Variants in SH3BGRL2 observed in about 807,000 individuals in gnomAD.
SH3BGRL2 encodes SH3 domain-binding glutamic acid-rich-like protein 2.
A neutral mutation model predicts 14.8 loss-of-function variants in SH3BGRL2; 21 were observed. That is an observed-to-expected ratio of 1.42 (90% CI 1.01 to 2.05). SH3BGRL2 has a LOEUF of 2.05. Among genes scored for constraint, SH3BGRL2 ranks in the 30% most tolerant of loss-of-function variants. The pLI is 0.00. For synonymous variants in SH3BGRL2, 50 were observed against 47.8 expected (o/e 1.05, Z -0.19); for missense variants, 147 against 130.8 (o/e 1.12, Z -0.61).
chr6:79,619,395 C>T, the SH3BGRL2 span, among the ~76,000 whole-genome samples: 2 of 152,158 alleles, frequency 1.3e-5, no homozygotes, highest in African/African-American at 2.4e-5. Flanking sequence ...ACATACCTTC[C>T]TCATTCTTTA....
chr6:79,689,214 A>C (rs577091992), intron 2 of SH3BGRL2, among the ~76,000 whole-genome samples: 2 of 152,192 alleles, frequency 1.3e-5, no homozygotes, highest in African/African-American at 2.4e-5. Context: ...ATTTGGAAGG[A>C]GTTAATTACC....
chr6:79,595,255 A>G, the SH3BGRL2 span, among the ~76,000 whole-genome samples: 1 of 151,958 alleles, frequency 6.6e-6, no homozygotes, highest in South Asian at 2.1e-4. Flanking sequence ...GCGCCATTGC[A>G]CTCCAGTGTG....
At chr6:79,543,246 C>T in the SH3BGRL2 span, among the ~76,000 whole-genome samples, 1 of 152,132 alleles carries the variant, frequency 6.6e-6, no homozygotes, top group Non-Finnish European at 1.5e-5. Flanking sequence ...TTAAAGTTAT[C>T]GATGAGATAT....
chr6:79,663,070 G>T (rs1260853690), intron 1 of SH3BGRL2, among the ~76,000 whole-genome samples: 1 of 152,094 alleles, frequency 6.6e-6, no homozygotes, highest in Non-Finnish European at 1.5e-5. Flanking sequence ...AAGGTTTTTA[G>T]CTTCCTTGCG....
upstream of SH3BGRL2, among the ~76,000 whole-genome samples, chr6:79,630,272 G>T (rs552593173): frequency 2.6e-5 from 4 of 152,286 alleles, no homozygotes; most frequent in Admixed American, 2.0e-4. Context: ...TGCAAGAAAT[G>T]TATCAAAGAG....
At chr6:79,621,244 T>C in the SH3BGRL2 span, among the ~76,000 whole-genome samples, 1 of 152,210 alleles carries the variant, frequency 6.6e-6, no homozygotes, top group African/African-American at 2.4e-5. Flanking sequence ...GGTCTGAATG[T>C]TTGTGTCCTT....
At chr6:79,632,714 A>G (rs1768848925) in intron 1 of SH3BGRL2, among the ~76,000 whole-genome samples, 1 of 152,210 alleles carries the variant, frequency 6.6e-6, no homozygotes, top group Non-Finnish European at 1.5e-5. Context: ...ATGTGCAGTC[A>G]TGTTGGGGTC....
chr6:79,648,279 T>TATATATATATAAAA (rs752182712), intron 1 of SH3BGRL2, among the ~76,000 whole-genome samples: 3 of 117,186 alleles, frequency 2.6e-5, no homozygotes, highest in Non-Finnish European at 5.2e-5. Flanking sequence ...TATATATATA[T>TATATATATATAAAA]ATATTTGACA....
At chr6:79,676,484 C>G (rs1440053797) in intron 2 of SH3BGRL2, among the ~76,000 whole-genome samples, 1 of 152,096 alleles carries the variant, frequency 6.6e-6, no homozygotes, top group Non-Finnish European at 1.5e-5. Flanking sequence ...AGTGCTCCTG[C>G]AGACATTGAG....
the SH3BGRL2 span, among the ~76,000 whole-genome samples, chr6:79,604,278 T>C: frequency 6.6e-6 from 1 of 152,234 alleles, no homozygotes; most frequent in Non-Finnish European, 1.5e-5. Context: ...ATGTTCTACT[T>C]TCCCTATTCC....
the SH3BGRL2 span, among the ~76,000 whole-genome samples, chr6:79,593,127 A>C: frequency 6.6e-6 from 1 of 152,232 alleles, no homozygotes; most frequent in African/African-American, 2.4e-5. Context: ...CTGTATTATC[A>C]TGGAAATCTT....
At chr6:79,596,729 C>T in the SH3BGRL2 span, among the ~76,000 whole-genome samples, 3 of 152,178 alleles carry the variant, frequency 2.0e-5, no homozygotes, top group Non-Finnish European at 4.4e-5. Flanking sequence ...TCAATGCAAT[C>T]CTTATCAAAA....
At chr6:79,592,258 T>C in the SH3BGRL2 span, among the ~76,000 whole-genome samples, 1 of 152,234 alleles carries the variant, frequency 6.6e-6, no homozygotes, top group African/African-American at 2.4e-5. Context: ...CAGCTCCATT[T>C]ATCTGATTCA....
At chr6:79,560,262 A>C in the SH3BGRL2 span, among the ~76,000 whole-genome samples, 1 of 152,230 alleles carries the variant, frequency 6.6e-6, no homozygotes, top group Non-Finnish European at 1.5e-5. Context: ...CAAAAGGAAA[A>C]ATAAAGGTTA....
chr6:79,599,881 T>C, the SH3BGRL2 span, among the ~76,000 whole-genome samples: 46 of 152,250 alleles, frequency 3.0e-4, no homozygotes, highest in African/African-American at 1.1e-3. Context: ...TGGTTCAGAA[T>C]CCAGAGGCAA....
chr6:79,684,543 G>C (rs903004943), intron 2 of SH3BGRL2, among the ~76,000 whole-genome samples: 3 of 152,016 alleles, frequency 2.0e-5, no homozygotes, highest in African/African-American at 7.2e-5. Context: ...TTTCAGCTCA[G>C]GTGTTTTCAG....
the SH3BGRL2 span, among the ~76,000 whole-genome samples, chr6:79,598,655 A>G: frequency 1.1e-3 from 167 of 152,310 alleles, no homozygotes; most frequent in African/African-American, 3.6e-3. Context: ...GGTGATGAAA[A>G]TATTCTAAAA....
rs933545295 is a variant in SH3BGRL2 at position 79,702,664 on chromosome 6, C to T, written c.*3155C>T. 6.6e-6 allele frequency: 1 copy of T among 152,202 alleles called. No individual in the cohort carries two copies. The highest frequency in any genetic ancestry group is 2.4e-5 in the African/African-American group (1 of 41,446). 9.4% of individuals were successfully genotyped at this position (152,202 alleles called of 1,614,324 possible). A position where few individuals can be genotyped will look rare whatever the true frequency, so the allele number is the denominator to read the frequency against. ...TAAAAATACAAACAGATCGTGTGATCATTCAAGGAGCCAGACATGAGGTCC... is the reference window on the plus strand; with the variant it reads ...TAAAAATACAAACAGATCGTGTGATTATTCAAGGAGCCAGACATGAGGTCC... On this transcript the variant is annotated 3_prime_UTR_variant, in exon 4 of 4. Coordinates refer to ENST00000369838, the MANE Select transcript of SH3BGRL2 (RefSeq NM_031469.4).
chr6:79,683,860 C>T (rs1253321657), intron 2 of SH3BGRL2, among the ~76,000 whole-genome samples: 1 of 152,170 alleles, frequency 6.6e-6, no homozygotes, highest in South Asian at 2.1e-4. Flanking sequence ...TTGAGAAACA[C>T]TGGATTGGCT....
Sources: allele counts gnomAD v4.1 joint callset (sites outside exome capture counted in the v4.1 genomes callset), GRCh38; gene constraint gnomAD v4.1.1; transcripts MANE v1.5; gene names NCBI Gene and HGNC (gene_info 2026-07-23, HGNC 2026-07-21).